Variants in CAST observed in about 807,000 individuals in gnomAD.
CAST encodes calpastatin, also known as MIR583 host.
Under a neutral mutation model 119.6 loss-of-function variants are expected in CAST, and 76 were observed. The ratio of observed to expected loss-of-function variants is 0.64; its 90% confidence interval spans 0.53 to 0.77. The LOEUF (loss-of-function observed/expected upper bound fraction) is 0.77. CAST is among the 30% of genes least tolerant of loss of function. CAST has a pLI of 0.00. For synonymous variants in CAST, 319 were observed against 331.6 expected (o/e 0.96, Z 0.41); for missense variants, 953 against 946.5 (o/e 1.01, Z -0.09).
the CAST span, among the ~76,000 whole-genome samples, chr5:96,301,359 C>A: frequency 1.3e-5 from 2 of 152,040 alleles, no homozygotes; most frequent in South Asian, 4.2e-4. Flanking sequence ...GACACAGAGC[C>A]AAATCATATT....
intron 3 of CAST, chr5:96,696,173 G>T: frequency 4.6e-6 from 1 of 215,768 alleles, no homozygotes. Flanking sequence ...ACTATCTGCA[G>T]ATAATATTAA....
chr5:96,465,277 A>C, the CAST span, among the ~76,000 whole-genome samples: 1 of 151,994 alleles, frequency 6.6e-6, no homozygotes, highest in South Asian at 2.1e-4. Context: ...TTGCTCAGCT[A>C]TCTTTTCAAT....
chr5:96,041,955 G>C, the CAST span, among the ~76,000 whole-genome samples: 3 of 152,120 alleles, frequency 2.0e-5, no homozygotes, highest in African/African-American at 7.2e-5. Context: ...CCTCTCCTTT[G>C]CCACACGATA....
rs1299750313 is a variant in CAST at position 96,723,418 on chromosome 5, A to C, written c.270+720A>C. Among the ~76,000 whole-genome samples, 13 of 152,230 alleles carry C rather than the reference A, an allele frequency of 8.5e-5. 1 individual carries two copies. ...TTCTGAGCACTTAAAAATAAATATA[A>C]AAATGAAAGATTATACTAAATGAAC... On this transcript the variant is annotated intron_variant, in intron 4 of 31. Transcript: ENST00000675179.
At chr5:96,315,815 G>A in the CAST span, among the ~76,000 whole-genome samples, 2 of 152,078 alleles carry the variant, frequency 1.3e-5, no homozygotes, top group Non-Finnish European at 1.5e-5. Context: ...AGATCTCTGA[G>A]CCTCCATATA....
chr5:95,984,099 A>G, the CAST span, among the ~76,000 whole-genome samples: 1 of 152,218 alleles, frequency 6.6e-6, no homozygotes, highest in Non-Finnish European at 1.5e-5. Flanking sequence ...CCATCAAGGC[A>G]GGAATCCTCA....
At chr5:96,136,150 CT>C in the CAST span, among the ~76,000 whole-genome samples, 1 of 152,122 alleles carries the variant, frequency 6.6e-6, no homozygotes. Context: ...CTCTTCTCCC[CT>C]ATTTATGTAT....
intron 3 of CAST, among the ~76,000 whole-genome samples, chr5:96,715,405 T>C (rs1162696430): frequency 6.6e-6 from 1 of 152,208 alleles, no homozygotes; most frequent in Non-Finnish European, 1.5e-5. Flanking sequence ...TAATATTTGA[T>C]ATGAGGGCAG....
chr5:96,740,111 T>TC lies in CAST; in HGVS notation c.872_873insC (p.Leu292IlefsTer3). ...ACAATTCCTCCAAAATATAGGGAAC[T>TC]ATTGGCTGTAAGTTAAATAATCATT... On this transcript the variant is annotated frameshift_variant, in exon 12 of 32. Transcript: ENST00000675179. LOFTEE classifies it high-confidence loss of function. 2 of 1,438,994 alleles carry TC rather than the reference T, an allele frequency of 1.4e-6. No homozygotes were observed. Among genetic ancestry groups the TC allele is most frequent in the Non-Finnish European group, 1.9e-6 (2 of 1,032,892 alleles). The allele number at this position is 1,438,994 out of a possible 1,614,324, so 89.1% of individuals were successfully genotyped here. A position where few individuals can be genotyped will look rare whatever the true frequency, so the allele number is the denominator to read the frequency against.
intron 1 of CAST, among the ~76,000 whole-genome samples, chr5:96,533,849 T>A (rs1249221106): frequency 6.6e-6 from 1 of 152,198 alleles, no homozygotes; most frequent in East Asian, 1.9e-4. Context: ...CTTGTGCAAT[T>A]GTTTGAGTTG....
At chr5:96,484,105 T>C in the CAST span, among the ~76,000 whole-genome samples, 1 of 152,146 alleles carries the variant, frequency 6.6e-6, no homozygotes, top group Non-Finnish European at 1.5e-5. Flanking sequence ...AGTCTGTAGC[T>C]GTCATTGTGA....
chr5:96,574,905 T>G (rs1746641449), intron 1 of CAST, among the ~76,000 whole-genome samples: 1 of 152,194 alleles, frequency 6.6e-6, no homozygotes, highest in African/African-American at 2.4e-5. Context: ...TCTATCTCTC[T>G]GCCCATGCCA....
intron 1 of CAST, among the ~76,000 whole-genome samples, chr5:96,653,156 A>G (rs896928495): frequency 9.2e-5 from 14 of 152,208 alleles, no homozygotes; most frequent in Middle Eastern, 3.2e-3. Flanking sequence ...GTTATCCTAT[A>G]TCCTCAGGGT....
At chr5:96,161,719 C>T in the CAST span, among the ~76,000 whole-genome samples, 1 of 152,050 alleles carries the variant, frequency 6.6e-6, no homozygotes, top group Non-Finnish European at 1.5e-5. Context: ...TGTTGCTATC[C>T]TAATAATATT....
intron 1 of CAST, among the ~76,000 whole-genome samples, chr5:96,546,995 C>A (rs547477578): frequency 6.6e-6 from 1 of 152,080 alleles, no homozygotes; most frequent in Non-Finnish European, 1.5e-5. Flanking sequence ...CAATACCACA[C>A]CAGGTAAAAG....
At chr5:96,043,349 A>G in the CAST span, among the ~76,000 whole-genome samples, 2 of 152,244 alleles carry the variant, frequency 1.3e-5, no homozygotes, top group African/African-American at 4.8e-5. Flanking sequence ...GAAATTATTT[A>G]AAACAAAATA....
At chr5:96,489,916 G>A in the CAST span, among the ~76,000 whole-genome samples, 5 of 152,178 alleles carry the variant, frequency 3.3e-5, no homozygotes, top group Admixed American at 1.3e-4. Flanking sequence ...AAGGAGCTAT[G>A]TTTTTGAGAT....
chr5:96,621,987 T>TTTTTA (rs1747618632), intron 1 of CAST, among the ~76,000 whole-genome samples: 1 of 148,048 alleles, frequency 6.8e-6, no homozygotes, highest in African/African-American at 2.5e-5. Flanking sequence ...TTTTTTTTTT[T>TTTTTA]GAGATGGAGT....
the CAST span, among the ~76,000 whole-genome samples, chr5:96,237,439 G>T: frequency 8.5e-5 from 13 of 152,180 alleles, 1 homozygote; most frequent in Non-Finnish European, 1.5e-4. Context: ...GGATTTATTA[G>T]TTTCTAAAAA....
Sources: gnomAD v4.1 joint callset for allele counts (sites outside exome capture counted in the v4.1 genomes callset) on GRCh38, gnomAD v4.1.1 for gene constraint, MANE v1.5 for transcripts, NCBI Gene and HGNC (gene_info 2026-07-23, HGNC 2026-07-21) for gene names.